Variants in PACRG observed in about 807,000 individuals in gnomAD.
PACRG encodes the protein parkin coregulated.
PACRG carries 29 observed loss-of-function variants against 29.7 expected under a neutral mutation model. The observed-to-expected ratio is 0.98, with a 90% confidence interval of 0.73 to 1.33. The LOEUF is 1.33. Ranked by LOEUF, PACRG falls within the 40% of genes most tolerant of loss-of-function variation. The pLI is 0.00. For missense variants in PACRG, 279 were observed against 316.2 expected, an observed-to-expected ratio of 0.88 and a Z score of 0.89; for synonymous variants, 116 against 118.7, an observed-to-expected ratio of 0.98 and a Z score of 0.15.
At chr6:163,269,978 A>AGAAG (rs1783754503) in intron 4 of PACRG, among the ~76,000 whole-genome samples, 1 of 110,198 alleles carries the variant, frequency 9.1e-6, no homozygotes, top group Non-Finnish European at 1.9e-5. Context: ...AAAGAAAGAA[A>AGAAG]GAAAGAAAGA....
intron 1 of PACRG, among the ~76,000 whole-genome samples, chr6:162,762,822 A>T (rs563077429): frequency 6.6e-6 from 1 of 152,210 alleles, no homozygotes; most frequent in African/African-American, 2.4e-5. Flanking sequence ...TATTGATTTG[A>T]TTATAATGTT....
At chr6:162,854,928 C>T (rs371816230) in intron 2 of PACRG, among the ~76,000 whole-genome samples, 12 of 152,236 alleles carry the variant, frequency 7.9e-5, no homozygotes, top group East Asian at 7.7e-4. Flanking sequence ...TCCGCCCTTC[C>T]TCTTATCACC....
intron 2 of PACRG, among the ~76,000 whole-genome samples, chr6:163,002,280 G>A (rs929868892): frequency 2.0e-5 from 3 of 152,146 alleles, no homozygotes; most frequent in Non-Finnish European, 4.4e-5. Flanking sequence ...CCAATTTGCT[G>A]ACCATCACAG....
chr6:163,158,578 C>A (rs1778418683), intron 4 of PACRG, among the ~76,000 whole-genome samples: 1 of 152,036 alleles, frequency 6.6e-6, no homozygotes, highest in Non-Finnish European at 1.5e-5. Context: ...AAGTAAGCTC[C>A]CAGCAAGGAC....
At chr6:163,144,239 A>C (rs1225863299) in intron 4 of PACRG, among the ~76,000 whole-genome samples, 14 of 150,986 alleles carry the variant, frequency 9.3e-5, no homozygotes, top group Admixed American at 9.2e-4. Context: ...AAAACAAAAA[A>C]AAAAAAAAAA....
Position 162,995,001 on chromosome 6 carries a change from A to C in PACRG, c.292-67149A>C, listed in dbSNP as rs1296304697. Among the ~76,000 whole-genome samples the C allele has an allele frequency of 4.7e-5, 7 of 148,458 alleles. No individual in the cohort carries two copies. The East Asian group carries it at 7.9e-4, about 17-fold the overall frequency. ...GCAGGTCTGTTGGAATACCCTGCCGAGTGAGGTGTCAGTGTGCCCCTGCTG... is the reference window on the plus strand; with the variant it reads ...GCAGGTCTGTTGGAATACCCTGCCGCGTGAGGTGTCAGTGTGCCCCTGCTG... On this transcript the variant is annotated intron_variant, in intron 2 of 4. Coordinates refer to ENST00000366888, the MANE Select transcript of PACRG (RefSeq NM_001080379.2).
At chr6:162,732,273 C>A (rs922059144) in intron 1 of PACRG, among the ~76,000 whole-genome samples, 2 of 152,160 alleles carry the variant, frequency 1.3e-5, no homozygotes, top group Non-Finnish European at 2.9e-5. Context: ...TCTCCAACAC[C>A]TACTTCAGGT....
At chr6:162,799,171 C>T (rs1470606728) in intron 1 of PACRG, among the ~76,000 whole-genome samples, 3 of 151,944 alleles carry the variant, frequency 2.0e-5, no homozygotes, top group Non-Finnish European at 4.4e-5. Flanking sequence ...CTTCAGCCAG[C>T]TTTCACAAAT....
chr6:163,132,714 CT>C (rs770090968), intron 4 of PACRG, among the ~76,000 whole-genome samples: 3 of 152,154 alleles, frequency 2.0e-5, no homozygotes, highest in Non-Finnish European at 4.4e-5. Context: ...TAATTTTGAG[CT>C]CTTAATGGCA....
intron 2 of PACRG, among the ~76,000 whole-genome samples, chr6:162,947,324 A>ATATAT (rs1562765417): frequency 5.4e-4 from 46 of 84,774 alleles, no homozygotes; most frequent in African/African-American, 1.8e-3. Flanking sequence ...CATATATAAT[A>ATATAT]CATATAATCA....
intron 2 of PACRG, among the ~76,000 whole-genome samples, chr6:163,016,496 A>G (rs1432999901): frequency 6.6e-6 from 1 of 151,956 alleles, no homozygotes; most frequent in Non-Finnish European, 1.5e-5. Flanking sequence ...TAGAAAATTG[A>G]TGACAGATCT....
intron 1 of PACRG, among the ~76,000 whole-genome samples, chr6:162,797,894 A>G (rs1785514095): frequency 6.6e-6 from 1 of 151,922 alleles, no homozygotes; most frequent in African/African-American, 2.4e-5. Context: ...ATCTTCTCCT[A>G]TTACATCACC....
chr6:163,031,713 T>G (rs1316834431), intron 2 of PACRG, among the ~76,000 whole-genome samples: 1 of 152,346 alleles, frequency 6.6e-6, no homozygotes, highest in East Asian at 1.9e-4. Context: ...GATAAGACTT[T>G]TTTAAAGCTG....
intron 4 of PACRG, among the ~76,000 whole-genome samples, chr6:163,092,932 G>A (rs1280871888): frequency 6.6e-6 from 1 of 152,240 alleles, no homozygotes; most frequent in Non-Finnish European, 1.5e-5. Flanking sequence ...TGGGTGACCT[G>A]TCGCTTGGCC....
At chr6:163,136,770 A>G (rs1816952284) in intron 4 of PACRG, among the ~76,000 whole-genome samples, 3 of 152,230 alleles carry the variant, frequency 2.0e-5, no homozygotes, top group Admixed American at 6.5e-5. Context: ...TTTTATGCCA[A>G]TCTATACACT....
intron 4 of PACRG, among the ~76,000 whole-genome samples, chr6:163,250,364 C>T (rs1782854562): frequency 6.6e-6 from 1 of 152,240 alleles, no homozygotes; most frequent in Non-Finnish European, 1.5e-5. Context: ...AATTTGTTAG[C>T]AGCTGAAATG....
At chr6:162,810,106 C>T (rs1243548492) in intron 1 of PACRG, among the ~76,000 whole-genome samples, 1 of 152,144 alleles carries the variant, frequency 6.6e-6, no homozygotes, top group Non-Finnish European at 1.5e-5. Flanking sequence ...ACTCCTGCCC[C>T]TTCCAGCCAG....
chr6:162,903,596 A>T (rs749528298), intron 2 of PACRG, among the ~76,000 whole-genome samples: 7 of 152,116 alleles, frequency 4.6e-5, no homozygotes, highest in Non-Finnish European at 1.0e-4. Flanking sequence ...CTACCACAAG[A>T]ACAGTATGGG....
chr6:162,746,807 C>A (rs865878736), intron 1 of PACRG, among the ~76,000 whole-genome samples: 1 of 152,092 alleles, frequency 6.6e-6, no homozygotes, highest in Non-Finnish European at 1.5e-5. Flanking sequence ...TTTTACATTT[C>A]TTTCATATTC....
Sources: allele counts gnomAD v4.1 joint callset (sites outside exome capture counted in the v4.1 genomes callset), GRCh38; gene constraint gnomAD v4.1.1; transcripts MANE v1.5; gene names NCBI Gene and HGNC (gene_info 2026-07-23, HGNC 2026-07-21).